GPC6: variants seen among roughly 807,000 people sequenced by gnomAD.
GPC6 encodes glypican 6.
In GPC6, 14 loss-of-function variants were observed where a neutral mutation model predicts 55.2. The ratio of observed to expected loss-of-function variants is 0.25; its 90% CI spans 0.17 to 0.40. GPC6 has a LOEUF of 0.40. Ranked by LOEUF, GPC6 falls within the 10% of genes least tolerant of loss-of-function variation. The pLI is 1.00. For missense variants in GPC6, 641 were observed against 708.5 expected, an observed-to-expected ratio of 0.90 and a Z score of 1.08; for synonymous variants, 278 against 259.6, an observed-to-expected ratio of 1.07 and a Z score of -0.68.
At chr13:93,722,322 T>C (rs1453890052) in intron 2 of GPC6, among the ~76,000 whole-genome samples, 1 of 151,798 alleles carries the variant, frequency 6.6e-6, no homozygotes. Flanking sequence ...TAAATAATTA[T>C]TGAGACACTA....
rs770048788 is a variant in GPC6, at chr13:94,306,120, G to T, written c.1149G>T (p.Arg383=). 2.5e-6 allele frequency: 4 copies of T among 1,614,022 alleles called. No individual in the cohort carries two copies. The highest frequency in any genetic ancestry group is 1.3e-5 in the African/African-American group (1 of 74,912). ...PTTAAGTSLD[R]LVTDIKEKLK... ...CTGCTGCAGGCACAAGCTTGGACCG[G>T]CTGGTGAGTATTCACAGATTGATAA... is the stretch of plus-strand genomic sequence containing the variant. The change falls in exon 6 of 9, where the codon CGG becomes CGT. Residue 383 remains arginine (R), a synonymous_variant. Transcript: ENST00000377047.
chr13:93,231,383 A>ACG (rs1566533518), intron 1 of GPC6, among the ~76,000 whole-genome samples: 29 of 19,290 alleles, frequency 1.5e-3, no homozygotes, highest in South Asian at 3.8e-3. Flanking sequence ...ATATATACAT[A>ACG]TATATATATA....
chr13:94,181,297 T>C (rs1888984686), intron 4 of GPC6, among the ~76,000 whole-genome samples: 1 of 152,172 alleles, frequency 6.6e-6, no homozygotes, highest in Admixed American at 6.5e-5. Flanking sequence ...TACCAATATT[T>C]GATGACACCC....
chr13:94,311,499 A>AC (rs1357853703), intron 6 of GPC6, among the ~76,000 whole-genome samples: 3 of 152,286 alleles, frequency 2.0e-5, no homozygotes, highest in African/African-American at 4.8e-5. Flanking sequence ...CATGCACTCT[A>AC]CATGGTATCA....
At chr13:93,490,500 T>C (rs9589747) in intron 1 of GPC6, among the ~76,000 whole-genome samples, 1 of 116,026 alleles carries the variant, frequency 8.6e-6, no homozygotes, top group African/African-American at 3.3e-5. Context: ...TTTTTTTTTC[T>C]TTTTTTTTTT....
intron 6 of GPC6, among the ~76,000 whole-genome samples, chr13:94,324,614 A>G (rs991656363): frequency 6.6e-6 from 1 of 152,094 alleles, no homozygotes; most frequent in Non-Finnish European, 1.5e-5. Context: ...AGAGAAACAG[A>G]GGCACAAAGT....
intron 3 of GPC6, among the ~76,000 whole-genome samples, chr13:93,853,231 G>T (rs1416688098): frequency 6.6e-6 from 1 of 151,662 alleles, no homozygotes; most frequent in Non-Finnish European, 1.5e-5. Flanking sequence ...ACATCTATTT[G>T]TCTTTCCCTG....
chr13:94,075,024 T>A (rs911015232), intron 4 of GPC6, among the ~76,000 whole-genome samples: 3 of 152,108 alleles, frequency 2.0e-5, no homozygotes, highest in African/African-American at 7.3e-5. Context: ...AATTTTTTTT[T>A]ATACTCATTA....
chr13:94,202,622 T>G (rs1889788828), intron 4 of GPC6, among the ~76,000 whole-genome samples: 1 of 152,048 alleles, frequency 6.6e-6, no homozygotes, highest in Non-Finnish European at 1.5e-5. Context: ...CAATTCAAGA[T>G]GAGATTGGGT....
intron 3 of GPC6, among the ~76,000 whole-genome samples, chr13:93,905,168 A>G (rs1876594981): frequency 6.8e-6 from 1 of 147,072 alleles, no homozygotes; most frequent in African/African-American, 2.5e-5. Context: ...ATAAGTAGGG[A>G]TGATTATTTA....
chr13:93,903,649 A>C (rs1335878758), intron 3 of GPC6, among the ~76,000 whole-genome samples: 1 of 152,182 alleles, frequency 6.6e-6, no homozygotes, highest in East Asian at 1.9e-4. Flanking sequence ...TATCTGTAAA[A>C]TTGGAGATTA....
intron 1 of GPC6, among the ~76,000 whole-genome samples, chr13:93,537,729 A>G (rs1018753792): frequency 2.0e-5 from 3 of 152,144 alleles, no homozygotes; most frequent in Non-Finnish European, 4.4e-5. Flanking sequence ...TCCCTATTCT[A>G]TCTCCTAGCC....
chr13:93,334,005 G>A lies in GPC6; in HGVS notation c.160+106389G>A, dbSNP rs532551324. 3.9e-5 allele frequency among the ~76,000 whole-genome samples: 6 copies of A among 152,122 alleles called. No homozygotes were observed. In the East Asian group the frequency reaches 9.7e-4, roughly 25 times the overall value. ...CATGTTTTTTGTGCATATAGATTAG[G>A]AAATTCTTCCCTGTCATAAGTTCAC... is the stretch of plus-strand genomic sequence containing the variant. On this transcript the variant is annotated intron_variant, in intron 1 of 8. Transcript: ENST00000377047.
intron 2 of GPC6, among the ~76,000 whole-genome samples, chr13:93,613,489 TTC>T (rs1309001722): frequency 6.7e-6 from 1 of 149,596 alleles, no homozygotes. Flanking sequence ...CTTTCAATCA[TTC>T]TCTGTGACAG....
chr13:93,288,504 T>C (rs1162595548), intron 1 of GPC6, among the ~76,000 whole-genome samples: 1 of 152,186 alleles, frequency 6.6e-6, no homozygotes, highest in African/African-American at 2.4e-5. Flanking sequence ...CTAAGGGTCC[T>C]TTGATGATGA....
chr13:93,313,656 A>C (rs1176601611), intron 1 of GPC6, among the ~76,000 whole-genome samples: 2 of 151,998 alleles, frequency 1.3e-5, no homozygotes, highest in African/African-American at 4.8e-5. Context: ...CAAGCATGTA[A>C]TAGATTTTTT....
chr13:94,021,393 C>G (rs546150178), intron 3 of GPC6, among the ~76,000 whole-genome samples: 26 of 151,918 alleles, frequency 1.7e-4, no homozygotes, highest in African/African-American at 6.3e-4. Context: ...CAATGCTGGT[C>G]CAGATATAGA....
At chr13:93,542,084 A>T (rs1428480221) in intron 1 of GPC6, among the ~76,000 whole-genome samples, 1 of 152,162 alleles carries the variant, frequency 6.6e-6, no homozygotes, top group Non-Finnish European at 1.5e-5. Flanking sequence ...TGTTTTAGAC[A>T]TGAAGTCCTT....
At chr13:93,947,746 T>G (rs1234519462) in intron 3 of GPC6, among the ~76,000 whole-genome samples, 3 of 152,140 alleles carry the variant, frequency 2.0e-5, no homozygotes, top group Admixed American at 6.5e-5. Context: ...CGCTTTTTTT[T>G]TTCGCCACCA....
Sources: allele counts gnomAD v4.1 joint callset (sites outside exome capture counted in the v4.1 genomes callset), GRCh38; gene constraint gnomAD v4.1.1; transcripts MANE v1.5; gene names NCBI Gene and HGNC (gene_info 2026-07-23, HGNC 2026-07-21).